Variants in DPYD observed in about 807,000 individuals in gnomAD.
DPYD encodes dihydropyrimidine dehydrogenase [NADP(+)].
A neutral mutation model predicts 116.2 loss-of-function variants in DPYD; 109 were observed. The ratio of observed to expected loss-of-function variants is 0.94; its 90% confidence interval spans 0.80 to 1.10. DPYD has a LOEUF of 1.10. Ranked by LOEUF, DPYD falls within the 50% of genes least tolerant of loss-of-function variation. DPYD has a pLI of 0.00. For missense variants in DPYD, 1,302 were observed against 1,254.5 expected, an observed-to-expected ratio of 1.04 and a Z score of -0.57; for synonymous variants, 440 against 432.0, an observed-to-expected ratio of 1.02 and a Z score of -0.23.
At chr1:97,331,962 CT>C (rs1023735278) in intron 16 of DPYD, among the ~76,000 whole-genome samples, 3 of 152,132 alleles carry the variant, frequency 2.0e-5, no homozygotes, top group African/African-American at 7.2e-5. Flanking sequence ...TATCCAGAAA[CT>C]TTTACCTTAG....
Position 97,573,882 on chromosome 1 carries a change from A to G in DPYD, c.1217T>C (p.Met406Thr), listed in dbSNP as rs1419895269. Reference sequence around the variant, plus strand: ...ATCTTGCTCTGTCCGAACAAACTGCATAGCAACAATTCTCCCACCTTTTAC... The same window carrying G: ...ATCTTGCTCTGTCCGAACAAACTGCGTAGCAACAATTCTCCCACCTTTTAC... The part of the protein sequence containing the change: ...VIVKGGRIVA[M>T]QFVRTEQDET... The change falls in exon 11 of 23, where the codon ATG becomes ACG. Residue 406 changes from methionine (M) to threonine (T), a missense_variant. By Grantham distance (81) the Met-to-Thr change is moderately conservative. Coordinates refer to ENST00000370192, the MANE Select transcript of DPYD (RefSeq NM_000110.4). The G allele has an allele frequency of 6.2e-7, 1 of 1,613,732 alleles. No homozygotes were observed. The highest frequency in any genetic ancestry group is 8.5e-7 in the Non-Finnish European group (1 of 1,179,724).
chr1:97,087,728 A>G (rs911279110), intron 21 of DPYD, among the ~76,000 whole-genome samples: 1 of 152,196 alleles, frequency 6.6e-6, no homozygotes, highest in African/African-American at 2.4e-5. Context: ...TCATTTAATG[A>G]AGGTAAGTGT....
At position 97,593,352 on chromosome 1, in the gene DPYD, G is replaced by A. The variant is rs757994597; in HGVS notation, c.994C>T (p.Arg332Trp). ...GCTCCAAGTACAATCACGACTCCCC[G>A]TATCGATGGCAATGGAGAGTGACAG... ...CACHSPLPSI[R>W]GVVIVLGAGD... The change falls in exon 10 of 23, where the codon CGG becomes TGG. Residue 332 changes from arginine to tryptophan, a missense_variant. Coordinates refer to ENST00000370192, the MANE Select transcript of DPYD (RefSeq NM_000110.4). 16 of 1,613,952 alleles carry A rather than the reference G, an allele frequency of 9.9e-6. No individual in the cohort carries two copies. Among genetic ancestry groups the A allele is most frequent in the African/African-American group, 2.7e-5 (2 of 74,882 alleles).
intron 19 of DPYD, among the ~76,000 whole-genome samples, chr1:97,201,956 T>C (rs1205703816): frequency 6.6e-6 from 1 of 150,976 alleles, no homozygotes; most frequent in African/African-American, 2.4e-5. Flanking sequence ...TTCAGCAGAA[T>C]ACCATCTTGT....
At chr1:97,460,964 G>C (rs1188698653) in intron 13 of DPYD, among the ~76,000 whole-genome samples, 4 of 151,874 alleles carry the variant, frequency 2.6e-5, no homozygotes, top group African/African-American at 9.7e-5. Context: ...TTGAACCCGG[G>C]GGGTGGAGGT....
chr1:97,574,106 G>A lies in DPYD; in HGVS notation c.1129-136C>T, dbSNP rs559670674. ...CAGCTTTTTCTTTCACCAAACCTGAGTTTCAGTTACCAGTTATTTGCATTT... is the reference window on the plus strand; with the variant it reads ...CAGCTTTTTCTTTCACCAAACCTGAATTTCAGTTACCAGTTATTTGCATTT... On this transcript the variant is annotated intron_variant, in intron 10 of 22. Coordinates refer to ENST00000370192, the MANE Select transcript of DPYD (RefSeq NM_000110.4). 32 of 1,430,404 alleles carry A rather than the reference G, an allele frequency of 2.2e-5. No homozygotes were observed. In the African/African-American group the frequency reaches 3.0e-4, roughly 13 times the overall value. 88.6% of individuals were successfully genotyped at this position (1,430,404 alleles called of 1,614,324 possible).
intron 3 of DPYD, among the ~76,000 whole-genome samples, chr1:97,749,887 T>C (rs1664779013): frequency 6.6e-6 from 1 of 152,196 alleles, no homozygotes; most frequent in East Asian, 1.9e-4. Context: ...ATTATAGCTT[T>C]TCTATTGCAC....
chr1:97,600,485 G>T (rs559450865), intron 8 of DPYD, among the ~76,000 whole-genome samples: 8 of 152,090 alleles, frequency 5.3e-5, no homozygotes, highest in African/African-American at 1.9e-4. Context: ...ATATCTTAAG[G>T]CCGACTGACC....
intron 18 of DPYD, among the ~76,000 whole-genome samples, chr1:97,280,671 A>G (rs1254603556): frequency 1.3e-5 from 2 of 152,058 alleles, no homozygotes; most frequent in Non-Finnish European, 2.9e-5. Flanking sequence ...ACTCACTCAC[A>G]TGTGGAATCT....
At chr1:97,776,139 T>G (rs1248166530) in intron 3 of DPYD, among the ~76,000 whole-genome samples, 1 of 152,172 alleles carries the variant, frequency 6.6e-6, no homozygotes, top group Non-Finnish European at 1.5e-5. Flanking sequence ...CTTTATCATT[T>G]TCATCTGCTT....
intron 14 of DPYD, among the ~76,000 whole-genome samples, chr1:97,414,429 AT>A (rs1222822627): frequency 1.2e-4 from 19 of 152,308 alleles, no homozygotes; most frequent in African/African-American, 4.1e-4. Flanking sequence ...CATAAAAATA[AT>A]TCAAAATTAA....
intron 20 of DPYD, among the ~76,000 whole-genome samples, chr1:97,124,537 T>C (rs1652687882): frequency 1.3e-5 from 2 of 152,238 alleles, no homozygotes; most frequent in East Asian, 1.9e-4. Context: ...CTGTGCTTTG[T>C]ATTTTCCATT....
chr1:97,097,080 G>C (rs973871337), intron 21 of DPYD, among the ~76,000 whole-genome samples: 2 of 152,200 alleles, frequency 1.3e-5, no homozygotes, highest in Admixed American at 1.3e-4. Flanking sequence ...CATTCCATTA[G>C]TGTTCAGTTT....
chr1:97,274,130 T>C (rs1203128630), intron 18 of DPYD, among the ~76,000 whole-genome samples: 2 of 152,042 alleles, frequency 1.3e-5, no homozygotes, highest in Non-Finnish European at 2.9e-5. Flanking sequence ...AACGAGAAAA[T>C]AAATATGAAT....
At chr1:97,717,892 C>A (rs903715853) in intron 5 of DPYD, among the ~76,000 whole-genome samples, 8 of 151,860 alleles carry the variant, frequency 5.3e-5, no homozygotes, top group African/African-American at 1.9e-4. Flanking sequence ...GGGCTGGTTT[C>A]ACATTTTTGC....
At chr1:97,193,284 C>G (rs1357715023) in intron 19 of DPYD, 36 bp from the exon 20 acceptor site, 7 of 1,593,318 alleles carry the variant, frequency 4.4e-6, no homozygotes, top group Non-Finnish European at 6.0e-6. Flanking sequence ...AGTGTCAAAC[C>G]AAGAGATAAT....
chr1:97,160,628 G>T (rs1272318847), intron 20 of DPYD, among the ~76,000 whole-genome samples: 1 of 151,990 alleles, frequency 6.6e-6, no homozygotes, highest in African/African-American at 2.4e-5. Flanking sequence ...CAATTTCATT[G>T]GTACTTAAAA....
intron 16 of DPYD, among the ~76,000 whole-genome samples, chr1:97,334,273 T>C (rs1387173935): frequency 6.6e-6 from 1 of 152,210 alleles, no homozygotes; most frequent in Non-Finnish European, 1.5e-5. Flanking sequence ...TTTTTGAAGA[T>C]GCAGAGTTTT....
At chr1:97,198,134 T>A (rs1169143626) in intron 19 of DPYD, among the ~76,000 whole-genome samples, 1 of 152,116 alleles carries the variant, frequency 6.6e-6, no homozygotes, top group Admixed American at 6.6e-5. Context: ...AGATTCTGGT[T>A]TTGTAGCTTT....
Sources: gnomAD v4.1 joint callset for allele counts (sites outside exome capture counted in the v4.1 genomes callset) on GRCh38, gnomAD v4.1.1 for gene constraint, MANE v1.5 for transcripts, NCBI Gene and HGNC (gene_info 2026-07-23, HGNC 2026-07-21) for gene names.